DMBX1: variants seen among roughly 807,000 people sequenced by gnomAD.
DMBX1 encodes diencephalon/mesencephalon homeobox protein 1.
DMBX1 carries 7 observed loss-of-function variants against 30.4 expected under a neutral mutation model. The observed-to-expected ratio is 0.23, with a 90% CI of 0.13 to 0.43. The LOEUF (loss-of-function observed/expected upper bound fraction) is 0.43, where lower values mean the gene tolerates loss of function less well. DMBX1 is among the 20% of genes least tolerant of loss of function. DMBX1 has a pLI of 1.00. For synonymous variants in DMBX1, 222 were observed against 214.2 expected (o/e 1.04, Z -0.32); for missense variants, 460 against 508.5 (o/e 0.90, Z 0.92).
In DMBX1 at chr1:46,515,481, C is replaced by T. The variant is rs1666472468; in HGVS notation, c.*2987C>T. Among the ~76,000 whole-genome samples, 1 of 152,210 alleles carries T rather than the reference C, an allele frequency of 6.6e-6. No individual in the cohort carries two copies. Among genetic ancestry groups the T allele is most frequent in the African/African-American group, 2.4e-5 (1 of 41,450 alleles). On this transcript the variant is annotated 3_prime_UTR_variant, in exon 6 of 6. Transcript: ENST00000360032. ...CCACCTTAGGAGCAGCCGAGCTTCCCTCAGATGTTTGTTAACACTTGTCCC... is the reference window on the plus strand; with the variant it reads ...CCACCTTAGGAGCAGCCGAGCTTCCTTCAGATGTTTGTTAACACTTGTCCC...
chr1:46,494,066 C>T (rs376770880), intron 2 of DMBX1, among the ~76,000 whole-genome samples: 15 of 152,368 alleles, frequency 9.8e-5, no homozygotes, highest in Admixed American at 4.6e-4. Context: ...TGCTCCATCT[C>T]GGCTCCGCCC....
intron 1 of DMBX1, among the ~76,000 whole-genome samples, chr1:46,490,310 T>G (rs566007895): frequency 1.4e-4 from 21 of 152,234 alleles, no homozygotes; most frequent in Admixed American, 1.4e-3. Flanking sequence ...CGGAGAACGC[T>G]TCGGATCCGT....
At chr1:46,490,253 G>C (rs1262493147) in intron 1 of DMBX1, among the ~76,000 whole-genome samples, 1 of 152,188 alleles carries the variant, frequency 6.6e-6, no homozygotes, top group Non-Finnish European at 1.5e-5. Flanking sequence ...GTAGAAACGC[G>C]CCGAGGCGAG....
chr1:46,491,840 C>T lies in DMBX1; in HGVS notation c.-13+1057C>T, dbSNP rs1665934398. Among the ~76,000 whole-genome samples the T allele has an allele frequency of 4.6e-5, 7 of 152,180 alleles. No individual in the cohort carries two copies. The highest frequency in any genetic ancestry group is 4.6e-4 in the Admixed American group (7 of 15,286). ...GGCCTAAGGACGAATGAATTTAGTT[C>T]CTACCTCCCCTTTCTGCAAACCAGC... On this transcript the variant is annotated intron_variant, in intron 2 of 5. Coordinates refer to ENST00000360032, the MANE Select transcript of DMBX1 (RefSeq NM_172225.2). This position sits in a 1 kb window ranked among gnomAD's most constrained non-coding sequence, Gnocchi z 5.5.
rs780217564 is a variant in DMBX1 at position 46,511,233 on chromosome 1, C to T, written c.632C>T (p.Pro211Leu). ...GAGGACCCCAAAGCTGAGAAGAGCCCTGGGGCTGACAGCAAGGGGCTGGGC... is the reference window on the plus strand; with the variant it reads ...GAGGACCCCAAAGCTGAGAAGAGCCTTGGGGCTGACAGCAAGGGGCTGGGC... Reference protein sequence around the residue: ...GAEDPKAEKSPGADSKGLGCK... With the variant: ...GAEDPKAEKSLGADSKGLGCK... Residue 211 changes from proline (P) to leucine (L), a missense_variant, in exon 5 of 6, where the codon CCT becomes CTT. Around this residue, in one of 3 missense-constraint regions of DMBX1, gnomAD observed 334 missense variants for 345.1 expected, o/e 0.97. Coordinates refer to ENST00000360032, the MANE Select transcript of DMBX1 (RefSeq NM_172225.2). 1.9e-6 allele frequency: 3 copies of T among 1,610,882 alleles called. No homozygotes were observed. The highest frequency in any genetic ancestry group is 2.7e-5 in the African/African-American group (2 of 74,860).
chr1:46,512,075 G>A lies in DMBX1; in HGVS notation c.715G>A (p.Ala239Thr). 1 of 1,612,966 alleles carries A rather than the reference G, an allele frequency of 6.2e-7. No homozygotes were observed. The highest frequency in any genetic ancestry group is 1.3e-5 in the African/African-American group (1 of 74,964). ...SPGSLTITPV[A>T]PGGGLLGPSH... Reference sequence around the variant, plus strand: ...AGGCAGCCTGACCATCACTCCTGTGGCCCCAGGGGGTGGCCTCCTGGGCCC... The same window carrying A: ...AGGCAGCCTGACCATCACTCCTGTGACCCCAGGGGGTGGCCTCCTGGGCCC... The change falls in exon 6 of 6, where the codon GCC becomes ACC. Residue 239 changes from alanine to threonine, a missense_variant. Physicochemically the swap from Ala to Thr is moderately conservative, Grantham distance 58. Transcript: ENST00000360032. This position sits in a 1 kb window ranked among gnomAD's most constrained non-coding sequence, Gnocchi z 4.8.
At position 46,492,625 on chromosome 1, in the gene DMBX1, C is replaced by T. The variant is rs549555506; in HGVS notation, c.-13+1842C>T. On this transcript the variant is annotated intron_variant, in intron 2 of 5. Transcript: ENST00000360032. ...GCAGTCCCCTATGTCTGAACGAATT[C>T]TGTGTGCGCACACATATTTGCCAGC... Among the ~76,000 whole-genome samples the T allele has an allele frequency of 1.3e-4, 20 of 152,262 alleles. No individual in the cohort carries two copies. In the East Asian group the frequency reaches 3.7e-3, roughly 28 times the overall value.
Position 46,515,120 on chromosome 1 carries a change from A to G in DMBX1, c.*2626A>G, listed in dbSNP as rs1297855342. Among the ~76,000 whole-genome samples, 1 of 152,138 alleles carries G rather than the reference A, an allele frequency of 6.6e-6. No individual in the cohort carries two copies. Among genetic ancestry groups the G allele is most frequent in the Admixed American group, 6.5e-5 (1 of 15,268 alleles). On this transcript the variant is annotated 3_prime_UTR_variant, in exon 6 of 6. Coordinates refer to ENST00000360032, the MANE Select transcript of DMBX1 (RefSeq NM_172225.2). ...AGGGGAATCCACCAGCCATGGGGGC[A>G]TCAGAGGAGAGACTTAGGCAGCGCT...
chr1:46,503,012 T>A (rs1043957810), intron 2 of DMBX1, among the ~76,000 whole-genome samples: 1 of 152,262 alleles, frequency 6.6e-6, no homozygotes, highest in Non-Finnish European at 1.5e-5. Flanking sequence ...GTGGGATTAG[T>A]GGGATTACAA....
chr1:46,509,110 T>C (rs1666299735), intron 3 of DMBX1, among the ~76,000 whole-genome samples: 1 of 152,018 alleles, frequency 6.6e-6, no homozygotes, highest in South Asian at 2.1e-4. Context: ...TTTGCTCTTG[T>C]TGCCCAGGCT....
At chr1:46,506,685 A>G (rs180676944) in intron 2 of DMBX1, among the ~76,000 whole-genome samples, 45 of 152,344 alleles carry the variant, frequency 3.0e-4, no homozygotes, top group Non-Finnish European at 5.9e-4. Flanking sequence ...TATGGGTCAG[A>G]TAAGTTAAAG....
intron 2 of DMBX1, among the ~76,000 whole-genome samples, chr1:46,497,808 G>T (rs1230448548): frequency 6.6e-6 from 1 of 152,240 alleles, no homozygotes; most frequent in Non-Finnish European, 1.5e-5. Flanking sequence ...TGTGGCGGGA[G>T]ATCCGCCGAT....
chr1:46,491,866 T>C lies in DMBX1; in HGVS notation c.-13+1083T>C, dbSNP rs1665934835. 6.6e-6 allele frequency among the ~76,000 whole-genome samples: 1 copy of C among 152,210 alleles called. No homozygotes were observed. The highest frequency in any genetic ancestry group is 6.5e-5 in the Admixed American group (1 of 15,288). On this transcript the variant is annotated intron_variant, in intron 2 of 5. Transcript: ENST00000360032. This position sits in a 1 kb window ranked among gnomAD's most constrained non-coding sequence, Gnocchi z 5.5. The stretch of plus-strand genomic sequence containing the variant: ...CTACCTCCCCTTTCTGCAAACCAGC[T>C]GTGTTTATGTGTGTCTAGGTGTTCA...
rs1666403034 is a variant in DMBX1, at chr1:46,512,479, T to TA, written c.1120dup (p.Thr374AsnfsTer21). On this transcript the variant is annotated frameshift_variant, in exon 6 of 6. Transcript: ENST00000360032. LOFTEE classifies it high-confidence loss of function. This position sits in a 1 kb window ranked among gnomAD's most constrained non-coding sequence, Gnocchi z 4.8. ...AGCACGCGGCCTCCCTGGGACTCGA[T>TA]ACGCTGCCCAACTGACTGTCTGGCT... 1.9e-6 allele frequency: 3 copies of TA among 1,610,060 alleles called. No individual in the cohort carries two copies. Among genetic ancestry groups the TA allele is most frequent in the Non-Finnish European group, 2.5e-6 (3 of 1,177,424 alleles).
Position 46,512,790 on chromosome 1 carries a change from A to G in DMBX1, c.*296A>G. On this transcript the variant is annotated 3_prime_UTR_variant, in exon 6 of 6. Coordinates refer to ENST00000360032, the MANE Select transcript of DMBX1 (RefSeq NM_172225.2). The surrounding 1 kb of genome is among the most constrained non-coding windows in gnomAD (Gnocchi z 4.8). ...TCTCCCTGGCTAGATCCTCATCTCA[A>G]TAGCACCTCCTCCCTTTTCTCCCTA... 1 of 426,562 alleles carries G rather than the reference A, an allele frequency of 2.3e-6. No individual in the cohort carries two copies. Among genetic ancestry groups the G allele is most frequent in the Non-Finnish European group, 4.2e-6 (1 of 239,554 alleles). 26.4% of individuals were successfully genotyped at this position (426,562 alleles called of 1,614,324 possible). A position where few individuals can be genotyped will look rare whatever the true frequency, so the allele number is the denominator to read the frequency against.
chr1:46,515,838 C>G lies in DMBX1; in HGVS notation c.*3344C>G, dbSNP rs1332517296. On this transcript the variant is annotated 3_prime_UTR_variant, in exon 6 of 6. Coordinates refer to ENST00000360032, the MANE Select transcript of DMBX1 (RefSeq NM_172225.2). ...CTGACTGTCCCTTCCAGGAATGCCT[C>G]ATGCCTGGCCTCTCCCTGCTGTCTG... 6.6e-6 allele frequency among the ~76,000 whole-genome samples: 1 copy of G among 152,230 alleles called. No homozygotes were observed. Among genetic ancestry groups the G allele is most frequent in the Non-Finnish European group, 1.5e-5 (1 of 68,040 alleles).
At position 46,512,355 on chromosome 1, in the gene DMBX1, C is replaced by T; in HGVS notation, c.995C>T (p.Ser332Phe). Reference protein sequence around the residue: ...AAAAHQGVWGSPLLPAPPAGL... With the variant: ...AAAAHQGVWGFPLLPAPPAGL... ...GCTGCCCACCAGGGTGTGTGGGGGT[C>T]TCCTCTGCTGCCTGCACCCCCAGCA... Residue 332 changes from serine to phenylalanine, a missense_variant, in exon 6 of 6, where the codon TCT (serine) becomes TTT (phenylalanine). By Grantham distance (155) the Ser-to-Phe change is radical. Coordinates refer to ENST00000360032, the MANE Select transcript of DMBX1 (RefSeq NM_172225.2). This position sits in a 1 kb window ranked among gnomAD's most constrained non-coding sequence, Gnocchi z 4.8. 1.2e-6 allele frequency: 2 copies of T among 1,614,042 alleles called. No individual in the cohort carries two copies. Among genetic ancestry groups the T allele is most frequent in the South Asian group, 2.2e-5 (2 of 91,082 alleles).
intron 1 of DMBX1, among the ~76,000 whole-genome samples, 164 bp downstream of exon 1, chr1:46,490,041 GAGAC>G (rs1412114944): frequency 1.3e-5 from 2 of 152,218 alleles, no homozygotes; most frequent in African/African-American, 4.8e-5. Context: ...CAGGGACTAG[GAGAC>G]AGACAGACAG....
At chr1:46,492,971 T>C (rs1431532708) in intron 2 of DMBX1, among the ~76,000 whole-genome samples, 2 of 151,984 alleles carry the variant, frequency 1.3e-5, no homozygotes, top group Non-Finnish European at 2.9e-5. Flanking sequence ...ACATTTTTGC[T>C]TGGCCTCTGC....
Sources: gnomAD v4.1 joint callset for allele counts (sites outside exome capture counted in the v4.1 genomes callset) on GRCh38, gnomAD v4.1.1 for gene constraint, gnomAD v4.1.1 regional missense constraint, Gnocchi (gnomAD v3.1) non-coding constraint, MANE v1.5 for transcripts, NCBI Gene and HGNC (gene_info 2026-07-23, HGNC 2026-07-21) for gene names.